PELI2: variants seen among roughly 807,000 people sequenced by gnomAD.
PELI2 encodes pellino E3 ubiquitin protein ligase family member 2, also known as E3 ubiquitin-protein ligase pellino homolog 2.
Under a neutral mutation model 42.3 loss-of-function variants are expected in PELI2, and 23 were observed. The observed-to-expected ratio is 0.54, with a 90% CI of 0.39 to 0.77. PELI2 has a LOEUF of 0.77. Among genes scored for constraint, PELI2 ranks in the 30% least tolerant of loss-of-function variants. PELI2 has a pLI of 0.00. For synonymous variants in PELI2, 245 were observed against 212.2 expected, an observed-to-expected ratio of 1.15 and a Z score of -1.34; for missense variants, 463 against 553.2, an observed-to-expected ratio of 0.84 and a Z score of 1.64.
chr14:56,221,070 C>T (rs115138360), intron 2 of PELI2, among the ~76,000 whole-genome samples: 124 of 152,294 alleles, frequency 8.1e-4, no homozygotes, highest in Middle Eastern at 3.4e-3. Flanking sequence ...GTGCCTCCAC[C>T]TGCAAAACTG....
At chr14:56,185,265 T>G (rs1885731027) in intron 2 of PELI2, among the ~76,000 whole-genome samples, 1 of 152,172 alleles carries the variant, frequency 6.6e-6, no homozygotes, top group Non-Finnish European at 1.5e-5. Flanking sequence ...AATCAATACT[T>G]TTATGTTTTT....
intron 2 of PELI2, among the ~76,000 whole-genome samples, chr14:56,192,358 A>G (rs1885977991): frequency 6.6e-6 from 1 of 152,188 alleles, no homozygotes; most frequent in Non-Finnish European, 1.5e-5. Flanking sequence ...AGGTTTAGGA[A>G]TATTATTTCT....
chr14:56,254,302 G>A (rs1888450263), intron 2 of PELI2, among the ~76,000 whole-genome samples: 1 of 151,832 alleles, frequency 6.6e-6, no homozygotes. Context: ...GGAAGGCTGG[G>A]GCAGGAGAAT....
chr14:56,184,467 A>G (rs1217167863), intron 2 of PELI2, among the ~76,000 whole-genome samples: 2 of 152,122 alleles, frequency 1.3e-5, no homozygotes, highest in South Asian at 4.1e-4. Flanking sequence ...AAGGAATACA[A>G]TTAAATTTTA....
In PELI2 at chr14:56,279,762, T is replaced by A; in HGVS notation, c.294T>A (p.Asp98Glu). The change falls in exon 3 of 6, where the codon GAT becomes GAA. Residue 98 changes from aspartate to glutamate, a missense_variant. This residue lies in a region of PELI2 where 343 missense variants were observed against 378.4 expected (regional missense o/e 0.91). Transcript: ENST00000267460. The part of the protein sequence containing the change: ...TVVVEYTHDK[D>E]TDMFQVGRST... ...TGGTGGAGTACACACATGATAAGGA[T>A]ACGGATATGTTTCAGGTAATATTTT... The A allele has an allele frequency of 6.4e-7, 1 of 1,558,462 alleles. No individual in the cohort carries two copies. The highest frequency in any genetic ancestry group is 8.8e-7 in the Non-Finnish European group (1 of 1,132,390).
chr14:56,249,695 T>A (rs1444809833), intron 2 of PELI2, among the ~76,000 whole-genome samples: 1 of 152,120 alleles, frequency 6.6e-6, no homozygotes, highest in Non-Finnish European at 1.5e-5. Context: ...TACACAGCAT[T>A]TGGGGCAGCA....
intron 5 of PELI2, among the ~76,000 whole-genome samples, chr14:56,293,416 G>A (rs1889898238): frequency 6.6e-6 from 1 of 152,310 alleles, no homozygotes; most frequent in South Asian, 2.1e-4. Context: ...TAGTTCTGTG[G>A]TATTGAATTG....
chr14:56,220,317 C>T (rs1004514074), intron 2 of PELI2, among the ~76,000 whole-genome samples: 2 of 151,892 alleles, frequency 1.3e-5, no homozygotes, highest in Non-Finnish European at 2.9e-5. Context: ...TACTGTTTGA[C>T]GCACAGATGA....
At chr14:56,220,393 AAC>A (rs1305319286) in intron 2 of PELI2, among the ~76,000 whole-genome samples, 1 of 152,256 alleles carries the variant, frequency 6.6e-6, no homozygotes, top group Non-Finnish European at 1.5e-5. Context: ...GTTTTGAAAC[AAC>A]ATAGTTATAA....
At chr14:56,214,926 C>T (rs181182123) in intron 2 of PELI2, among the ~76,000 whole-genome samples, 52 of 152,318 alleles carry the variant, frequency 3.4e-4, no homozygotes, top group Admixed American at 9.1e-4. Flanking sequence ...CATTGCGGAC[C>T]AGCAGGTGAC....
At chr14:56,130,565 C>T (rs950328939) in intron 1 of PELI2, among the ~76,000 whole-genome samples, 3 of 151,944 alleles carry the variant, frequency 2.0e-5, no homozygotes, top group Non-Finnish European at 2.9e-5. Context: ...GGGTTTACAA[C>T]TTATATTAAC....
chr14:56,173,882 T>C (rs1885270227), intron 1 of PELI2, among the ~76,000 whole-genome samples: 3 of 152,156 alleles, frequency 2.0e-5, no homozygotes, highest in African/African-American at 7.2e-5. Flanking sequence ...TTCCAAAAGG[T>C]CACATTCACA....
chr14:56,207,223 A>T (rs1440658382), intron 2 of PELI2, among the ~76,000 whole-genome samples: 1 of 152,216 alleles, frequency 6.6e-6, no homozygotes, highest in Admixed American at 6.5e-5. Context: ...GAAAAAAAAT[A>T]ACTGAATAAT....
At chr14:56,270,306 T>C (rs1411626920) in intron 2 of PELI2, among the ~76,000 whole-genome samples, 1 of 152,242 alleles carries the variant, frequency 6.6e-6, no homozygotes, top group Admixed American at 6.5e-5. Flanking sequence ...GTTTGAAATA[T>C]GGTTCCTTGA....
chr14:56,139,404 A>G (rs1302147870), intron 1 of PELI2, among the ~76,000 whole-genome samples: 3 of 152,042 alleles, frequency 2.0e-5, no homozygotes, highest in Admixed American at 6.6e-5. Context: ...TTGCTATGAG[A>G]TTGCTTATTT....
intron 2 of PELI2, among the ~76,000 whole-genome samples, chr14:56,234,051 A>G (rs1178026525): frequency 2.0e-5 from 3 of 152,218 alleles, no homozygotes; most frequent in Non-Finnish European, 4.4e-5. Flanking sequence ...CTACAATGAG[A>G]TACCATCTCA....
chr14:56,231,739 G>A (rs1383751281), intron 2 of PELI2, among the ~76,000 whole-genome samples: 2 of 152,092 alleles, frequency 1.3e-5, no homozygotes, highest in Non-Finnish European at 2.9e-5. Flanking sequence ...GCTAGCAGAA[G>A]GCAAGAAATA....
At chr14:56,182,297 GT>G (rs1319574091) in intron 2 of PELI2, among the ~76,000 whole-genome samples, 1 of 152,196 alleles carries the variant, frequency 6.6e-6, no homozygotes, top group Non-Finnish European at 1.5e-5. Context: ...ATTGAAGGGT[GT>G]GAAGCAGAGG....
intron 1 of PELI2, among the ~76,000 whole-genome samples, chr14:56,136,935 T>G (rs1883707329): frequency 6.6e-6 from 1 of 152,180 alleles, no homozygotes; most frequent in African/African-American, 2.4e-5. Context: ...TTAGTGTGTT[T>G]CTCAGCTTCT....
Sources: gnomAD v4.1 joint callset for allele counts (sites outside exome capture counted in the v4.1 genomes callset) on GRCh38, gnomAD v4.1.1 for gene constraint, gnomAD v4.1.1 regional missense constraint, MANE v1.5 for transcripts, NCBI Gene and HGNC (gene_info 2026-07-23, HGNC 2026-07-21) for gene names.